Variants in PRDM16 observed in about 807,000 individuals in gnomAD.
PRDM16 encodes PR/SET domain 16.
A neutral mutation model predicts 110.6 loss-of-function variants in PRDM16; 23 were observed. The ratio of observed to expected loss-of-function variants is 0.21; its 90% CI spans 0.15 to 0.29. The LOEUF (loss-of-function observed/expected upper bound fraction) is 0.29, where lower values mean the gene tolerates loss of function less well. Among genes scored for constraint, PRDM16 ranks in the 10% least tolerant of loss-of-function variants. The pLI, the probability that PRDM16 is intolerant of heterozygous loss-of-function variation, is 1.00. For missense variants in PRDM16, 1,615 were observed against 1,794.3 expected (o/e 0.90, Z 1.81); for synonymous variants, 799 against 781.8 (o/e 1.02, Z -0.37).
At chr1:3,220,968 A>G (rs1003471286) in intron 2 of PRDM16, among the ~76,000 whole-genome samples, 1 of 152,206 alleles carries the variant, frequency 6.6e-6, no homozygotes, top group Non-Finnish European at 1.5e-5. Context: ...AATCCATCCC[A>G]TCAGGCCACT....
At chr1:3,365,944 G>GTA (rs1557635567) in intron 3 of PRDM16, among the ~76,000 whole-genome samples, 1 of 151,640 alleles carries the variant, frequency 6.6e-6, no homozygotes, top group Non-Finnish European at 1.5e-5. Flanking sequence ...GCACACAAAC[G>GTA]CACACGCATG....
intron 4 of PRDM16, 155 bp from the exon 5 acceptor site, chr1:3,396,336 C>T (rs1168906444): frequency 1.4e-6 from 1 of 699,726 alleles, no homozygotes; most frequent in Non-Finnish European, 2.6e-6. Context: ...GCATACTCTG[C>T]AAAAGTTCCA....
Position 3,168,575 on chromosome 1 carries a change from G to A in PRDM16, c.38-17550G>A, listed in dbSNP as rs971420266. Among the ~76,000 whole-genome samples, 9 of 146,326 alleles carry A rather than the reference G, an allele frequency of 6.2e-5. No homozygotes were observed. In the South Asian group the frequency reaches 2.0e-3, roughly 32 times the overall value. ...GACAAATGGACCCGCAGCTATTCCC[G>A]CCCCACCCCCGCCCCTCGCCCTTTC... is the stretch of plus-strand genomic sequence containing the variant. On this transcript the variant is annotated intron_variant, in intron 1 of 16. Coordinates refer to ENST00000270722, the MANE Select transcript of PRDM16 (RefSeq NM_022114.4).
At chr1:3,396,450 C>T (rs1381601940) in intron 4 of PRDM16, 41 bp from the exon 5 acceptor site, 5 of 1,185,838 alleles carry the variant, frequency 4.2e-6, no homozygotes, top group Non-Finnish European at 4.9e-6. Context: ...CAGACACCAA[C>T]AAACCACACT....
chr1:3,209,086 A>T lies in PRDM16; in HGVS notation c.387+22612A>T, dbSNP rs972640720. On this transcript the variant is annotated intron_variant, in intron 2 of 16. Coordinates refer to ENST00000270722, the MANE Select transcript of PRDM16 (RefSeq NM_022114.4). The surrounding 1 kb of genome is among the most constrained non-coding windows in gnomAD (Gnocchi z 4.6). ...GAATTCAGAAGGAGCTCAGAAGGGA[A>T]TGCCCTGTGCCAACCTAAACCTGGG... Among the ~76,000 whole-genome samples, 3 of 152,334 alleles carry T rather than the reference A, an allele frequency of 2.0e-5. No individual in the cohort carries two copies. Among genetic ancestry groups the T allele is most frequent in the Admixed American group, 6.5e-5 (1 of 15,308 alleles).
At chr1:3,247,352 A>G (rs558240211) in intron 3 of PRDM16, among the ~76,000 whole-genome samples, 1 of 152,320 alleles carries the variant, frequency 6.6e-6, no homozygotes, top group Non-Finnish European at 1.5e-5. Context: ...AGTATCAGAG[A>G]GTGAGGTTTC....
At chr1:3,356,028 C>T (rs1028387971) in intron 3 of PRDM16, among the ~76,000 whole-genome samples, 9 of 152,296 alleles carry the variant, frequency 5.9e-5, no homozygotes, top group Admixed American at 2.6e-4. Flanking sequence ...GGGGCCCCTC[C>T]GTGACAGGTG....
intron 1 of PRDM16, among the ~76,000 whole-genome samples, chr1:3,099,300 G>A (rs1642478267): frequency 6.6e-6 from 1 of 152,250 alleles, no homozygotes; most frequent in African/African-American, 2.4e-5. Context: ...AAACTGCCTA[G>A]AACTCCTATT....
rs1643274371 is a variant in PRDM16, at chr1:3,390,163, C to T, written c.573+4877C>T. Among the ~76,000 whole-genome samples, 1 of 152,112 alleles carries T rather than the reference C, an allele frequency of 6.6e-6. No individual in the cohort carries two copies. Among genetic ancestry groups the T allele is most frequent in the Admixed American group, 6.5e-5 (1 of 15,284 alleles). On this transcript the variant is annotated intron_variant, in intron 4 of 16. Transcript: ENST00000270722. The surrounding 1 kb of genome is among the most constrained non-coding windows in gnomAD (Gnocchi z 5.0). Reference sequence around the variant, plus strand: ...GCGATGAAGCGCCTGCGGGGGGATGCGGGAGGCAGGGAGGAGCTGTCACAG... The same window carrying T: ...GCGATGAAGCGCCTGCGGGGGGATGTGGGAGGCAGGGAGGAGCTGTCACAG...
chr1:3,310,946 CTG>C (rs1207818958), intron 3 of PRDM16, among the ~76,000 whole-genome samples: 3 of 151,432 alleles, frequency 2.0e-5, no homozygotes, highest in Non-Finnish European at 2.9e-5. Flanking sequence ...GCGTGTGTGT[CTG>C]TGAGACGTGT....
At chr1:3,223,128 T>TTTTTTA (rs1487214067) in intron 2 of PRDM16, among the ~76,000 whole-genome samples, 1 of 133,644 alleles carries the variant, frequency 7.5e-6, no homozygotes, top group African/African-American at 3.1e-5. Context: ...TTTTTTTTTT[T>TTTTTTA]GAGACAGAGT....
chr1:3,280,276 C>T (rs183120911), intron 3 of PRDM16, among the ~76,000 whole-genome samples: 15 of 152,278 alleles, frequency 9.9e-5, no homozygotes, highest in Admixed American at 7.8e-4. Context: ...CATGAATGTG[C>T]GCATGACCTG....
intron 1 of PRDM16, among the ~76,000 whole-genome samples, chr1:3,114,155 A>G (rs529571116): frequency 2.9e-4 from 40 of 139,590 alleles, no homozygotes; most frequent in South Asian, 1.9e-3. Context: ...GCACACACGC[A>G]CACACACACG....
chr1:3,302,337 T>C (rs74050846), intron 3 of PRDM16, among the ~76,000 whole-genome samples: 17,494 of 152,160 alleles, frequency 0.11, 3,329 homozygotes, highest in African/African-American at 0.39. Context: ...GTGTGCAATA[T>C]ATGGTGCCTA....
At position 3,209,673 on chromosome 1, in the gene PRDM16, AGAG is replaced by A. The variant is rs1638837173; in HGVS notation, c.387+23201_387+23203del. On this transcript the variant is annotated intron_variant, in intron 2 of 16. Coordinates refer to ENST00000270722, the MANE Select transcript of PRDM16 (RefSeq NM_022114.4). The surrounding 1 kb of genome is among the most constrained non-coding windows in gnomAD (Gnocchi z 4.6). ...CACAAATGCCACCTCCTGCTTCTGG[AGAG>A]GTTTAGTTGTCAACGGCCACCAGGA... Among the ~76,000 whole-genome samples, 1 of 152,098 alleles carries A rather than the reference AGAG, an allele frequency of 6.6e-6. No homozygotes were observed. The highest frequency in any genetic ancestry group is 2.4e-5 in the African/African-American group (1 of 41,416).
At chr1:3,343,579 A>C (rs1642310363) in intron 3 of PRDM16, among the ~76,000 whole-genome samples, 1 of 151,088 alleles carries the variant, frequency 6.6e-6, no homozygotes, top group South Asian at 2.1e-4. Context: ...TGTATCAGAT[A>C]TTGTCCCACA....
At chr1:3,183,117 C>T (rs1644230058) in intron 1 of PRDM16, among the ~76,000 whole-genome samples, 3 of 152,354 alleles carry the variant, frequency 2.0e-5, no homozygotes, top group South Asian at 4.1e-4. Context: ...GATCCTGGCC[C>T]TGCACACTGA....
chr1:3,322,478 C>A (rs1257873904), intron 3 of PRDM16, among the ~76,000 whole-genome samples: 1 of 152,158 alleles, frequency 6.6e-6, no homozygotes, highest in Non-Finnish European at 1.5e-5. Flanking sequence ...AGTGAGTGCA[C>A]CCCGGCTGGG....
intron 5 of PRDM16, among the ~76,000 whole-genome samples, chr1:3,398,585 G>GATTA (rs1643421156): frequency 6.6e-6 from 1 of 152,248 alleles, no homozygotes; most frequent in Non-Finnish European, 1.5e-5. Flanking sequence ...GAGTCTGGTA[G>GATTA]ATTAGTACGT....
Sources: allele counts gnomAD v4.1 joint callset (sites outside exome capture counted in the v4.1 genomes callset), GRCh38; gene constraint gnomAD v4.1.1; non-coding constraint Gnocchi (gnomAD v3.1); transcripts MANE v1.5; gene names NCBI Gene and HGNC (gene_info 2026-07-23, HGNC 2026-07-21).